Variants in RPS6KA2 observed in about 807,000 individuals in gnomAD.
RPS6KA2 encodes ribosomal protein S6 kinase A2, also known as ribosomal protein S6 kinase alpha-2.
In RPS6KA2, 42 loss-of-function variants were observed where a neutral mutation model predicts 91.8. The observed-to-expected ratio is 0.46, with a 90% CI of 0.36 to 0.59. The LOEUF (loss-of-function observed/expected upper bound fraction) is 0.59, where lower values mean the gene tolerates loss of function less well. RPS6KA2 is among the 20% of genes least tolerant of loss of function. The probability of loss-of-function intolerance (pLI) is 0.00; values close to 1 mark genes in which losing one functional copy is unlikely to be tolerated. For missense variants in RPS6KA2, 798 were observed against 978.5 expected, an observed-to-expected ratio of 0.82 and a Z score of 2.46; for synonymous variants, 414 against 393.6, an observed-to-expected ratio of 1.05 and a Z score of -0.61.
chr6:166,416,485 C>T (rs920207201), intron 19 of RPS6KA2, among the ~76,000 whole-genome samples: 6 of 151,992 alleles, frequency 3.9e-5, no homozygotes, highest in Non-Finnish European at 8.8e-5. Flanking sequence ...CTCCCACCGT[C>T]ACCTCCATGA....
At position 166,435,413 on chromosome 6, in the gene RPS6KA2, T is replaced by C. The variant is rs1779261852; in HGVS notation, c.1333-2923A>G. Among the ~76,000 whole-genome samples the C allele has an allele frequency of 6.6e-6, 1 of 152,226 alleles. No homozygotes were observed. Among genetic ancestry groups the C allele is most frequent in the Non-Finnish European group, 1.5e-5 (1 of 68,040 alleles). On this transcript the variant is annotated intron_variant, in intron 14 of 20. Transcript: ENST00000265678. The surrounding 1 kb of genome is among the most constrained non-coding windows in gnomAD (Gnocchi z 4.3). ...GTCATTTGCTAGAATCTGATACACA[T>C]TTAAGCATGCATGTTGACTTTCATT...
rs142220246 is a variant in RPS6KA2, at chr6:166,438,411, C to T, written c.1333-5921G>A. On this transcript the variant is annotated intron_variant, in intron 14 of 20. Coordinates refer to ENST00000265678, the MANE Select transcript of RPS6KA2 (RefSeq NM_021135.6). ...CCCGCGCTCCAGGCCTGCGTGGTCA[C>T]GCCGCGTCACTACAGTTAACAGCTG... Among the ~76,000 whole-genome samples the T allele has an allele frequency of 3.2e-4, 49 of 152,360 alleles. No individual in the cohort carries two copies. The East Asian group carries it at 7.5e-3, about 23-fold the overall frequency.
intron 2 of RPS6KA2, among the ~76,000 whole-genome samples, chr6:166,654,858 G>A (rs143850529): frequency 2.0e-5 from 3 of 152,212 alleles, no homozygotes; most frequent in African/African-American, 7.2e-5. Flanking sequence ...CTGCCGGGTC[G>A]CCTTTGTGAA....
chr6:166,712,803 A>G (rs1177043148), intron 2 of RPS6KA2, among the ~76,000 whole-genome samples: 1 of 152,222 alleles, frequency 6.6e-6, no homozygotes, highest in Non-Finnish European at 1.5e-5. Flanking sequence ...CCACGTGGTC[A>G]ATGGATAAGC....
At position 166,717,206 on chromosome 6, in the gene RPS6KA2, G is replaced by C. The variant is rs950060312; in HGVS notation, c.123+140994C>G. Among the ~76,000 whole-genome samples, 7 of 152,222 alleles carry C rather than the reference G, an allele frequency of 4.6e-5. No individual in the cohort carries two copies. In the South Asian group the frequency reaches 1.0e-3, roughly 22 times the overall value. The stretch of plus-strand genomic sequence containing the variant: ...TCGTCTGAGGCTCAGGTTTTGCAAG[G>C]GGGTGGAGGCATCGCCATTGCTGGG... On this transcript the variant is annotated intron_variant, in intron 2 of 21. Coordinates refer to the RPS6KA2 transcript ENST00000503859.
intron 3 of RPS6KA2, among the ~76,000 whole-genome samples, chr6:166,527,428 T>C (rs944485561): frequency 5.3e-5 from 8 of 152,180 alleles, no homozygotes; most frequent in Non-Finnish European, 1.2e-4. Context: ...CCACTTGCCT[T>C]TGTCTTAAAC....
chr6:166,740,804 A>G (rs1296180829), intron 2 of RPS6KA2, among the ~76,000 whole-genome samples: 2 of 152,284 alleles, frequency 1.3e-5, no homozygotes, highest in African/African-American at 2.4e-5. Flanking sequence ...TGTCCAAGTA[A>G]ATATTTGAAC....
intron 2 of RPS6KA2, among the ~76,000 whole-genome samples, chr6:166,760,673 C>T (rs1778143473): frequency 6.6e-6 from 1 of 152,218 alleles, no homozygotes; most frequent in African/African-American, 2.4e-5. Context: ...AAATAGCCTG[C>T]TCACTGGCAA....
At chr6:166,774,493 G>A (rs1424755007) in intron 2 of RPS6KA2, among the ~76,000 whole-genome samples, 2 of 152,122 alleles carry the variant, frequency 1.3e-5, no homozygotes, top group Non-Finnish European at 1.5e-5. Context: ...GACTGTCCCT[G>A]CTGCTGCTGC....
chr6:166,515,927 C>T (rs1022679921), intron 3 of RPS6KA2, among the ~76,000 whole-genome samples: 6 of 152,186 alleles, frequency 3.9e-5, no homozygotes, highest in Admixed American at 1.3e-4. Context: ...ACCTATGACC[C>T]GGAAGCCCCT....
In RPS6KA2 at chr6:166,847,407, A is replaced by C. The variant is rs59132302; in HGVS notation, c.123+10793T>G. On this transcript the variant is annotated intron_variant, in intron 2 of 21. Coordinates refer to the RPS6KA2 transcript ENST00000503859. ...CATTTTTCACAGAACTAGAAAAAAC[A>C]ATTCTAAAATTCATATGGAACCAAA... 0.012 allele frequency among the ~76,000 whole-genome samples: 1,863 copies of C among 152,268 alleles called. 78 individuals are homozygous for C. In the East Asian group the frequency reaches 0.16, roughly 13 times the overall value.
At chr6:166,658,278 G>T (rs1788058083) in intron 2 of RPS6KA2, among the ~76,000 whole-genome samples, 1 of 152,154 alleles carries the variant, frequency 6.6e-6, no homozygotes, top group Non-Finnish European at 1.5e-5. Context: ...AGCCCAGGGT[G>T]CATCCGTGAC....
chr6:166,604,464 T>C (rs1242912028), intron 1 of RPS6KA2, among the ~76,000 whole-genome samples: 1 of 152,106 alleles, frequency 6.6e-6, no homozygotes, highest in Non-Finnish European at 1.5e-5. Flanking sequence ...GGTGCGTGCT[T>C]CCCCGCTGGG....
At chr6:166,504,424 A>G (rs1782125880) in intron 6 of RPS6KA2, 82 bp downstream of exon 6, 1 of 792,012 alleles carries the variant, frequency 1.3e-6, no homozygotes, top group Admixed American at 2.3e-5. Flanking sequence ...ATAAATATCT[A>G]GCAGTGGCTA....
intron 2 of RPS6KA2, among the ~76,000 whole-genome samples, chr6:166,723,620 A>G (rs571443765): frequency 1.4e-4 from 21 of 152,216 alleles, no homozygotes; most frequent in Admixed American, 3.9e-4. Context: ...ATTAGAAAAT[A>G]AAGTCCGAAC....
At chr6:166,845,976 GAAA>G (rs1291152467) in intron 2 of RPS6KA2, among the ~76,000 whole-genome samples, 1 of 151,756 alleles carries the variant, frequency 6.6e-6, no homozygotes, top group African/African-American at 2.4e-5. Context: ...GATTAACCAA[GAAA>G]AAAAGAGAAA....
chr6:166,509,081 C>T (rs1472402659), intron 4 of RPS6KA2, among the ~76,000 whole-genome samples: 3 of 152,188 alleles, frequency 2.0e-5, no homozygotes, highest in South Asian at 2.1e-4. Context: ...TACTAGAAAA[C>T]GTTTTATTTT....
At chr6:166,786,321 G>A (rs1778928752) in intron 2 of RPS6KA2, among the ~76,000 whole-genome samples, 1 of 152,158 alleles carries the variant, frequency 6.6e-6, no homozygotes, top group African/African-American at 2.4e-5. Context: ...ACATAAGGAA[G>A]GAGAATTTAC....
intron 1 of RPS6KA2, among the ~76,000 whole-genome samples, chr6:166,617,600 T>C (rs1035798284): frequency 7.9e-5 from 12 of 152,184 alleles, no homozygotes; most frequent in Admixed American, 4.6e-4. Flanking sequence ...TCCTCCTCCA[T>C]TGGCGTCAGG....
Sources: allele counts gnomAD v4.1 joint callset (sites outside exome capture counted in the v4.1 genomes callset), GRCh38; gene constraint gnomAD v4.1.1; non-coding constraint Gnocchi (gnomAD v3.1); transcripts MANE v1.5; gene names NCBI Gene and HGNC (gene_info 2026-07-23, HGNC 2026-07-21).